The following SPTAN1 variants were observed in gnomAD, a reference collection of about 807,000 sequenced individuals.
SPTAN1 encodes the protein spectrin alpha chain, non-erythrocytic 1.
A neutral mutation model predicts 331.3 loss-of-function variants in SPTAN1; 61 were observed. The observed-to-expected ratio is 0.18, with a 90% CI of 0.15 to 0.23. The LOEUF is 0.23. Ranked by LOEUF, SPTAN1 falls within the 10% of genes least tolerant of loss-of-function variation. SPTAN1 has a pLI of 1.00. For missense variants in SPTAN1, 2,043 were observed against 3,147.9 expected, an observed-to-expected ratio of 0.65 and a Z score of 8.40; for synonymous variants, 1,153 against 1,173.9, an observed-to-expected ratio of 0.98 and a Z score of 0.36.
chr9:128,616,732 A>G (rs115374283), intron 41 of SPTAN1, among the ~76,000 whole-genome samples: 3,403 of 151,790 alleles, frequency 0.022, 111 homozygotes, highest in African/African-American at 0.078. Flanking sequence ...GCACCACTGT[A>G]CTCCAGAGCA....
In SPTAN1 at chr9:128,625,050, C is replaced by T. The variant is rs1051199155; in HGVS notation, c.5993-53C>T. ...GTCTGGGTTTTGATGTTTTTCCTTT[C>T]TAATCCATCTCCACTGAGGAGGGCA... On this transcript the variant is annotated intron_variant, in intron 46 of 56. Transcript: ENST00000372739. This position sits in a 1 kb window ranked among gnomAD's most constrained non-coding sequence, Gnocchi z 4.1. 2 of 1,544,830 alleles carry T rather than the reference C, an allele frequency of 1.3e-6. No homozygotes were observed. The highest frequency in any genetic ancestry group is 1.8e-6 in the Non-Finnish European group (2 of 1,117,156).
intron 51 of SPTAN1, chr9:128,630,090 C>CCCTGG (rs1362316359): frequency 7.1e-6 from 5 of 707,406 alleles, no homozygotes; most frequent in Non-Finnish European, 1.3e-5. Flanking sequence ...GTGGGCTCAG[C>CCCTGG]CCTGGCCCAC....
intron 51 of SPTAN1, chr9:128,628,222 G>C (rs1053487873): frequency 5.0e-6 from 3 of 605,142 alleles, no homozygotes; most frequent in African/African-American, 3.6e-5. Context: ...GATGAAGCAC[G>C]AAGGCCAGAG....
chr9:128,627,795 C>T lies in SPTAN1; in HGVS notation c.6690-130C>T. On this transcript the variant is annotated intron_variant, in intron 50 of 56. Coordinates refer to ENST00000372739, the MANE Select transcript of SPTAN1 (RefSeq NM_001130438.3). The surrounding 1 kb of genome is among the most constrained non-coding windows in gnomAD (Gnocchi z 4.9). Reference sequence around the variant, plus strand: ...GACTTGGTGACAGACGATGCAGGGTCTGTGCGTTGGGTACTGATGTTCTTG... The same window carrying T: ...GACTTGGTGACAGACGATGCAGGGTTTGTGCGTTGGGTACTGATGTTCTTG... 8.5e-7 allele frequency: 1 copy of T among 1,179,622 alleles called. No individual in the cohort carries two copies. The highest frequency in any genetic ancestry group is 1.3e-6 in the Non-Finnish European group (1 of 785,820). The allele number at this position is 1,179,622 out of a possible 1,614,324, so 73.1% of individuals were successfully genotyped here.
chr9:128,590,956 T>TA (rs1331766155), intron 21 of SPTAN1, among the ~76,000 whole-genome samples: 1 of 152,182 alleles, frequency 6.6e-6, no homozygotes, highest in African/African-American at 2.4e-5. Flanking sequence ...AGGCCAGCCT[T>TA]GGTGGCAGGC....
Position 128,608,407 on chromosome 9 carries a change from TCTTTAAAA to T in SPTAN1, c.4491+137_4491+144del. 4.3e-6 allele frequency: 5 copies of T among 1,158,400 alleles called. No individual in the cohort carries two copies. The South Asian group carries it at 7.1e-5, about 16-fold the overall frequency. 71.8% of individuals were successfully genotyped at this position (1,158,400 alleles called of 1,614,324 possible). A position where few individuals can be genotyped will look rare whatever the true frequency, so the allele number is the denominator to read the frequency against. On this transcript the variant is annotated intron_variant, in intron 34 of 56. Coordinates refer to ENST00000372739, the MANE Select transcript of SPTAN1 (RefSeq NM_001130438.3). The stretch of plus-strand genomic sequence containing the variant: ...CTAAGAAAAATATGTACATAAATAA[TCTTTAAAA>T]CTTTATAGATTCTGGTATTTCTGAG...
Position 128,600,075 on chromosome 9 carries a change from A to G in SPTAN1, c.3544-5A>G. ...GGCTGCCTAAATTCCTCTTTCTTTG[A>G]ATAGGATGAAACTGATTCCAAGACA... is the stretch of plus-strand genomic sequence containing the variant. On this transcript the variant is annotated splice_polypyrimidine_tract_variant and splice_region_variant and intron_variant, in intron 26 of 56. Coordinates refer to ENST00000372739, the MANE Select transcript of SPTAN1 (RefSeq NM_001130438.3). 2 of 1,614,148 alleles carry G rather than the reference A, an allele frequency of 1.2e-6. No homozygotes were observed. The highest frequency in any genetic ancestry group is 1.7e-6 in the Non-Finnish European group (2 of 1,180,020).
chr9:128,615,732 G>A lies in SPTAN1; in HGVS notation c.5249G>A (p.Arg1750His), dbSNP rs1161676352. The A allele has an allele frequency of 7.4e-6, 12 of 1,614,084 alleles. No individual in the cohort carries two copies. Among genetic ancestry groups the A allele is most frequent in the East Asian group, 2.2e-5 (1 of 44,882 alleles). ...GACAAGAGGGACACCATCAACGGGC[G>A]CTTCCAGAAGATCAAGAGCATGGCG... ...VKDKRDTING[R>H]FQKIKSMAAS... is the part of the protein sequence containing the mutation. The change falls in exon 41 of 57, where the codon CGC becomes CAC. Residue 1750 changes from arginine to histidine, a missense_variant. Arg to His is a conservative substitution (Grantham distance 29). Around this residue, in one of 12 missense-constraint regions of SPTAN1, gnomAD observed 323 missense variants for 581.1 expected, o/e 0.56. Transcript: ENST00000372739.
intron 37 of SPTAN1, among the ~76,000 whole-genome samples, chr9:128,609,947 T>A (rs1856388237): frequency 1.3e-5 from 2 of 152,256 alleles, no homozygotes; most frequent in South Asian, 2.1e-4. Context: ...TAATTGACCA[T>A]TTTCTTTCAA....
chr9:128,608,342 A>C, intron 34 of SPTAN1, 66 bp downstream of exon 34: 1 of 1,597,912 alleles, frequency 6.3e-7, no homozygotes, highest in Non-Finnish European at 8.6e-7. Context: ...TTCTTGGCTT[A>C]TATAGTCACT....
Position 128,582,703 on chromosome 9 carries a change from C to G in SPTAN1, c.1660C>G (p.Arg554Gly). Residue 554 changes from arginine to glycine, a missense_variant, in exon 14 of 57, where the codon CGC becomes GGC. Transcript: ENST00000372739. ...VATRRDALLS[R>G]RNALHERAMR... is the part of the protein sequence containing the mutation. ...GATCCTTGTCTTTCAGCTGTTGAGC[C>G]GCCGCAATGCCCTTCACGAGAGAGC... 6.2e-7 allele frequency: 1 copy of G among 1,613,458 alleles called. No homozygotes were observed. Among genetic ancestry groups the G allele is most frequent in the Non-Finnish European group, 8.5e-7 (1 of 1,180,024 alleles).
chr9:128,562,659 T>C (rs1849509948), intron 1 of SPTAN1, among the ~76,000 whole-genome samples: 1 of 151,908 alleles, frequency 6.6e-6, no homozygotes, highest in Non-Finnish European at 1.5e-5. Context: ...CAAAATAGGC[T>C]GACAGACTTA....
intron 45 of SPTAN1, 24 bp from the exon 46 acceptor site, chr9:128,624,304 T>C: frequency 6.2e-7 from 1 of 1,613,450 alleles, no homozygotes; most frequent in Non-Finnish European, 8.5e-7. Flanking sequence ...GGCTGACCAG[T>C]GTGTGCCTCT....
intron 1 of SPTAN1, among the ~76,000 whole-genome samples, chr9:128,558,509 A>T (rs981892647): frequency 3.3e-5 from 5 of 152,240 alleles, no homozygotes; most frequent in African/African-American, 7.2e-5. Context: ...TGAGATAAGC[A>T]GTCAGTTGAT....
Position 128,608,116 on chromosome 9 carries a change from C to T in SPTAN1, c.4345-14C>T, listed in dbSNP as rs201755611. On this transcript the variant is annotated splice_polypyrimidine_tract_variant and intron_variant, in intron 33 of 56. Transcript: ENST00000372739. ...AAGGGCCTCATTTTCTCACCTGCCT[C>T]TTGCCCTCTTTAGCTGTTCCATCGG... 2.0e-5 allele frequency: 33 copies of T among 1,614,196 alleles called. No homozygotes were observed. The East Asian group carries it at 7.4e-4, about 36-fold the overall frequency.
intron 2 of SPTAN1, among the ~76,000 whole-genome samples, chr9:128,567,804 A>G (rs4837279): frequency 0.75 from 113,888 of 151,682 alleles, 45,440 homozygotes; most frequent in Non-Finnish European, 0.9. Context: ...CTTATTGCCC[A>G]AGTTGGAGTG....
chr9:128,571,017 C>T (rs1850657103), intron 3 of SPTAN1, among the ~76,000 whole-genome samples: 1 of 152,188 alleles, frequency 6.6e-6, no homozygotes, highest in East Asian at 1.9e-4. Flanking sequence ...GCATGGGGCT[C>T]ACACTTGTAA....
rs534890676 is a variant in SPTAN1 at position 128,564,105 on chromosome 9, C to G, written c.-3-2633C>G. Among the ~76,000 whole-genome samples the G allele has an allele frequency of 6.6e-5, 10 of 152,068 alleles. No individual in the cohort carries two copies. In the East Asian group the frequency reaches 1.7e-3, roughly 26 times the overall value. ...CCTAGGCAACCTATCAAAACCCTGT[C>G]TCTACAAAAAAAATTTAAAAATTAG... On this transcript the variant is annotated intron_variant, in intron 1 of 56. Transcript: ENST00000372739.
chr9:128,599,884 G>C (rs1854856613), intron 26 of SPTAN1, 196 bp from the exon 27 acceptor site: 2 of 627,370 alleles, frequency 3.2e-6, no homozygotes, highest in Non-Finnish European at 5.7e-6. Context: ...TCTCTCCCCT[G>C]TTTGTTGGCT....
Sources: allele counts gnomAD v4.1 joint callset (sites outside exome capture counted in the v4.1 genomes callset), GRCh38; gene constraint gnomAD v4.1.1; regional missense constraint gnomAD v4.1.1; non-coding constraint Gnocchi (gnomAD v3.1); transcripts MANE v1.5; gene names NCBI Gene and HGNC (gene_info 2026-07-23, HGNC 2026-07-21).